The following PACRG variants were observed in gnomAD, a reference collection of about 807,000 sequenced individuals.
PACRG encodes parkin coregulated gene protein.
A neutral mutation model predicts 29.7 loss-of-function variants in PACRG; 29 were observed. That is an observed-to-expected ratio of 0.98 (90% CI 0.73 to 1.33). The LOEUF is 1.33. Among genes scored for constraint, PACRG ranks in the 40% most tolerant of loss-of-function variants. The pLI is 0.00. For missense variants in PACRG, 279 were observed against 316.2 expected (o/e 0.88, Z 0.89); for synonymous variants, 116 against 118.7 (o/e 0.98, Z 0.15).
chr6:163,309,768 G>T (rs1785337954), intron 4 of PACRG, among the ~76,000 whole-genome samples: 1 of 152,188 alleles, frequency 6.6e-6, no homozygotes, highest in Non-Finnish European at 1.5e-5. Flanking sequence ...TCCTCCCGTG[G>T]ACCTGACAAC....
intron 2 of PACRG, among the ~76,000 whole-genome samples, chr6:162,946,012 A>G (rs1029417855): frequency 1.3e-5 from 2 of 152,116 alleles, no homozygotes; most frequent in Non-Finnish European, 2.9e-5. Context: ...CAGCAAAAGC[A>G]CTGTTCAAAG....
At chr6:163,028,217 C>A (rs1807328269) in intron 2 of PACRG, among the ~76,000 whole-genome samples, 1 of 152,216 alleles carries the variant, frequency 6.6e-6, no homozygotes, top group Non-Finnish European at 1.5e-5. Context: ...AAAGTTAAAT[C>A]CTACATGACT....
chr6:163,125,616 A>G (rs1816484237), intron 4 of PACRG, among the ~76,000 whole-genome samples: 1 of 152,236 alleles, frequency 6.6e-6, no homozygotes, highest in Non-Finnish European at 1.5e-5. Context: ...AAAACAATGA[A>G]GAAATGAGCT....
At chr6:162,833,001 T>C (rs1788916973) in intron 2 of PACRG, among the ~76,000 whole-genome samples, 1 of 152,128 alleles carries the variant, frequency 6.6e-6, no homozygotes, top group South Asian at 2.1e-4. Flanking sequence ...TTAATCAACA[T>C]TTGAAAGGAG....
chr6:162,793,157 G>T (rs1042129227), intron 1 of PACRG, among the ~76,000 whole-genome samples: 2 of 152,158 alleles, frequency 1.3e-5, no homozygotes, highest in Non-Finnish European at 2.9e-5. Flanking sequence ...TTCAAAAAAT[G>T]CTGTGAGTAT....
intron 2 of PACRG, among the ~76,000 whole-genome samples, chr6:162,963,636 T>G (rs952660665): frequency 1.3e-5 from 2 of 150,820 alleles, no homozygotes; most frequent in African/African-American, 4.8e-5. Flanking sequence ...AAGTATAAAT[T>G]TATAATTATA....
At chr6:163,011,118 G>C (rs953451351) in intron 2 of PACRG, among the ~76,000 whole-genome samples, 32 of 152,260 alleles carry the variant, frequency 2.1e-4, no homozygotes, top group Non-Finnish European at 4.6e-4. Context: ...AGGAAGAAAA[G>C]GGGCTGGGAG....
intron 2 of PACRG, among the ~76,000 whole-genome samples, chr6:162,876,553 G>T (rs555905033): frequency 6.6e-6 from 1 of 152,058 alleles, no homozygotes; most frequent in Non-Finnish European, 1.5e-5. Flanking sequence ...TTTTTGTTGG[G>T]GTTGTTTGTT....
At chr6:163,143,859 G>A (rs1054588232) in intron 4 of PACRG, among the ~76,000 whole-genome samples, 17 of 152,104 alleles carry the variant, frequency 1.1e-4, no homozygotes, top group Non-Finnish European at 1.5e-5. Context: ...AAGACCAAGA[G>A]GTCGGTGTGG....
At chr6:162,764,158 C>T (rs2128294698) in intron 1 of PACRG, among the ~76,000 whole-genome samples, 1 of 152,110 alleles carries the variant, frequency 6.6e-6, no homozygotes. Flanking sequence ...ACCTGCAGTC[C>T]CAGCTACTCC....
At chr6:163,175,149 G>C (rs567102554) in intron 4 of PACRG, among the ~76,000 whole-genome samples, 1 of 152,120 alleles carries the variant, frequency 6.6e-6, no homozygotes, top group South Asian at 2.1e-4. Flanking sequence ...GCTGATATCT[G>C]TTTGACCACT....
chr6:163,222,633 C>T (rs929942270), intron 4 of PACRG, among the ~76,000 whole-genome samples: 3 of 152,204 alleles, frequency 2.0e-5, no homozygotes, highest in South Asian at 2.1e-4. Flanking sequence ...CTTTTAAACA[C>T]GTTCACAAAT....
At chr6:162,842,484 G>A (rs867467302) in intron 2 of PACRG, among the ~76,000 whole-genome samples, 1 of 152,092 alleles carries the variant, frequency 6.6e-6, no homozygotes, top group South Asian at 2.1e-4. Context: ...TTGAGCCTGT[G>A]TGTGTCTCTG....
chr6:163,255,730 G>A (rs767774069), intron 4 of PACRG, among the ~76,000 whole-genome samples: 20 of 152,072 alleles, frequency 1.3e-4, no homozygotes, highest in Non-Finnish European at 2.5e-4. Context: ...TCTGCCTCCC[G>A]GGTTCAAGCA....
intron 4 of PACRG, among the ~76,000 whole-genome samples, chr6:163,207,066 C>T (rs980621721): frequency 9.2e-5 from 14 of 152,100 alleles, no homozygotes; most frequent in Non-Finnish European, 2.9e-5. Context: ...CAATATTTGT[C>T]AACATATCAC....
intron 2 of PACRG, among the ~76,000 whole-genome samples, chr6:162,850,612 C>T (rs761678541): frequency 1.3e-5 from 2 of 152,162 alleles, no homozygotes; most frequent in Non-Finnish European, 2.9e-5. Context: ...GCTCAGGGAG[C>T]TCGGAATAGC....
At chr6:163,253,493 A>C (rs1248088987) in intron 4 of PACRG, among the ~76,000 whole-genome samples, 1 of 152,136 alleles carries the variant, frequency 6.6e-6, no homozygotes, top group East Asian at 1.9e-4. Context: ...CTGTCTATCT[A>C]AAATTTATTT....
rs551373165 is a variant in PACRG, at chr6:163,128,237, C to G, written c.613+38829C>G. 2.0e-5 allele frequency among the ~76,000 whole-genome samples: 3 copies of G among 152,272 alleles called. No individual in the cohort carries two copies. In the South Asian group the frequency reaches 6.2e-4, roughly 32 times the overall value. ...AGAAGCAGGGCTGAGAAATTGCCCTCAGTTGTAAATGGAAAATGAGTTTAA... is the reference window on the plus strand; with the variant it reads ...AGAAGCAGGGCTGAGAAATTGCCCTGAGTTGTAAATGGAAAATGAGTTTAA... On this transcript the variant is annotated intron_variant, in intron 4 of 4. Transcript: ENST00000366888.
At chr6:162,914,771 C>G (rs980964786) in intron 2 of PACRG, among the ~76,000 whole-genome samples, 1 of 151,538 alleles carries the variant, frequency 6.6e-6, no homozygotes, top group Non-Finnish European at 1.5e-5. Flanking sequence ...TCATAAATAC[C>G]TTTTATTAGA....
Sources: allele counts gnomAD v4.1 joint callset (sites outside exome capture counted in the v4.1 genomes callset), GRCh38; gene constraint gnomAD v4.1.1; transcripts MANE v1.5; gene names NCBI Gene and HGNC (gene_info 2026-07-23, HGNC 2026-07-21).